Variants in PREX1 observed in about 807,000 individuals in gnomAD.
PREX1 encodes the protein phosphatidylinositol 3,4,5-trisphosphate-dependent Rac exchanger 1 protein.
Under a neutral mutation model 198.3 loss-of-function variants are expected in PREX1, and 41 were observed. The observed-to-expected ratio is 0.21, with a 90% CI of 0.16 to 0.27. The LOEUF is 0.27. Among genes scored for constraint, PREX1 ranks in the 10% least tolerant of loss-of-function variants. PREX1 has a pLI of 1.00. For synonymous variants in PREX1, 843 were observed against 887.2 expected (o/e 0.95, Z 0.89); for missense variants, 1,620 against 2,200.7 (o/e 0.74, Z 5.28).
chr20:48,750,070 T>TC (rs11480337), intron 1 of PREX1, among the ~76,000 whole-genome samples: 53,257 of 151,542 alleles, frequency 0.35, 10,254 homozygotes, highest in Non-Finnish European at 0.43. Context: ...ACCGAACTCT[T>TC]CCCCACTTAA....
At chr20:48,741,379 A>G (rs1379792027) in intron 3 of PREX1, among the ~76,000 whole-genome samples, 1 of 151,714 alleles carries the variant, frequency 6.6e-6, no homozygotes, top group Non-Finnish European at 1.5e-5. Flanking sequence ...GTTTGTTTTC[A>G]GACAATGTCT....
rs574364515 is a variant in PREX1, at chr20:48,650,924, G to A, written c.2787C>T (p.Ser929=). ...FRNICDTKLE[S]IGQRIACYQE... is the part of the protein sequence containing the mutation. ...GGTAGCAGGCAATCCTCTGGCCAAT[G>A]CTCTCCAGCTTGGTGTCACAGATGT... The change falls in exon 23 of 40, where the codon AGC becomes AGT. Residue 929 remains serine, a synonymous_variant. Transcript: ENST00000371941. The A allele has an allele frequency of 6.2e-7, 1 of 1,614,170 alleles. No individual in the cohort carries two copies. Among genetic ancestry groups the A allele is most frequent in the African/African-American group, 1.3e-5 (1 of 75,044 alleles).
chr20:48,668,434 T>A (rs540419192), intron 14 of PREX1, among the ~76,000 whole-genome samples: 1 of 152,172 alleles, frequency 6.6e-6, no homozygotes, highest in African/African-American at 2.4e-5. Context: ...GGGGCCAGAT[T>A]GTGTAGGAGC....
At chr20:48,809,326 C>T (rs142976181) in intron 1 of PREX1, among the ~76,000 whole-genome samples, 3 of 152,302 alleles carry the variant, frequency 2.0e-5, no homozygotes, top group East Asian at 3.9e-4. Context: ...AATCTGGGAT[C>T]GAGGCACCAG....
chr20:48,749,641 G>A (rs759419661), intron 1 of PREX1, among the ~76,000 whole-genome samples: 10 of 152,170 alleles, frequency 6.6e-5, no homozygotes, highest in Non-Finnish European at 5.9e-5. Context: ...CCAGACTCAA[G>A]CCTCTTGGGA....
intron 3 of PREX1, among the ~76,000 whole-genome samples, chr20:48,735,185 G>A (rs2090051449): frequency 1.3e-5 from 2 of 152,164 alleles, no homozygotes; most frequent in African/African-American, 4.8e-5. Flanking sequence ...AGCCTTCTTA[G>A]CAGGAAGCTC....
chr20:48,731,849 T>C (rs952683376), intron 4 of PREX1, among the ~76,000 whole-genome samples: 1 of 152,204 alleles, frequency 6.6e-6, no homozygotes, highest in African/African-American at 2.4e-5. Flanking sequence ...CTGCTTGAGA[T>C]AGGAAGGAAA....
At chr20:48,751,889 A>C (rs1284557583) in intron 1 of PREX1, among the ~76,000 whole-genome samples, 1 of 152,178 alleles carries the variant, frequency 6.6e-6, no homozygotes, top group African/African-American at 2.4e-5. Flanking sequence ...AAACACCCAC[A>C]AACTCATCAC....
At chr20:48,643,049 C>T (rs1447039718) in intron 27 of PREX1, among the ~76,000 whole-genome samples, 3 of 152,180 alleles carry the variant, frequency 2.0e-5, no homozygotes, top group Non-Finnish European at 2.9e-5. Context: ...GCAGTGACAG[C>T]CTGAGAACCA....
At chr20:48,686,487 G>C (rs377063855) in intron 10 of PREX1, among the ~76,000 whole-genome samples, 1 of 152,220 alleles carries the variant, frequency 6.6e-6, no homozygotes, top group East Asian at 1.9e-4. Flanking sequence ...AGAACTCCTC[G>C]AAGTTCTGAT....
At chr20:48,744,030 TGATG>T (rs2090095868) in intron 3 of PREX1, among the ~76,000 whole-genome samples, 1 of 149,048 alleles carries the variant, frequency 6.7e-6, no homozygotes, top group South Asian at 2.2e-4. Context: ...ATGATGATGA[TGATG>T]AGTTAACAGT....
At chr20:48,842,731 G>A in the PREX1 span, among the ~76,000 whole-genome samples, 2 of 151,738 alleles carry the variant, frequency 1.3e-5, no homozygotes, top group East Asian at 3.9e-4. Flanking sequence ...GAGTTGATTT[G>A]GGAATTATGA....
At chr20:48,664,624 G>C (rs1399642741) in intron 15 of PREX1, among the ~76,000 whole-genome samples, 3 of 152,244 alleles carry the variant, frequency 2.0e-5, no homozygotes, top group Non-Finnish European at 2.9e-5. Context: ...CTGTCCTGTT[G>C]AAAGGACAGG....
At chr20:48,708,072 A>C (rs760404286) in intron 6 of PREX1, among the ~76,000 whole-genome samples, 188 bp downstream of exon 6, 1 of 152,230 alleles carries the variant, frequency 6.6e-6, no homozygotes, top group Non-Finnish European at 1.5e-5. Flanking sequence ...CAAGTTTTTA[A>C]GAGAAACTTG....
chr20:48,696,977 T>TACACACACACACACACACACAC (rs11467059), intron 7 of PREX1, among the ~76,000 whole-genome samples: 1 of 148,594 alleles, frequency 6.7e-6, no homozygotes, highest in African/African-American at 2.5e-5. Context: ...TAAATCTCTT[T>TACACACACACACACACACACAC]ACACACACAC....
At chr20:48,730,871 A>T (rs7268021) in intron 4 of PREX1, among the ~76,000 whole-genome samples, 3,074 of 152,146 alleles carry the variant, frequency 0.02, 91 homozygotes, top group African/African-American at 0.064. Flanking sequence ...GGTGGTGCAC[A>T]CTATAGTCCC....
chr20:48,678,479 A>AAAG (rs56091391), intron 13 of PREX1, among the ~76,000 whole-genome samples: 57,261 of 150,366 alleles, frequency 0.38, 11,454 homozygotes, highest in South Asian at 0.53. Flanking sequence ...CAAAAAAAAA[A>AAAG]AAGAAGAAGA....
intron 1 of PREX1, among the ~76,000 whole-genome samples, chr20:48,809,166 C>G (rs925957155): frequency 6.6e-6 from 1 of 152,186 alleles, no homozygotes; most frequent in African/African-American, 2.4e-5. Flanking sequence ...ACAGGGAGAG[C>G]TGGAATAGTC....
At chr20:48,864,754 G>A in the PREX1 span, among the ~76,000 whole-genome samples, 1 of 152,168 alleles carries the variant, frequency 6.6e-6, no homozygotes, top group African/African-American at 2.4e-5. Flanking sequence ...CGGGCACTTT[G>A]TTTTTCATGG....
Sources: allele counts gnomAD v4.1 joint callset (sites outside exome capture counted in the v4.1 genomes callset), GRCh38; gene constraint gnomAD v4.1.1; transcripts MANE v1.5; gene names NCBI Gene and HGNC (gene_info 2026-07-23, HGNC 2026-07-21).